The following STXBP5L variants were observed in gnomAD, a reference collection of about 807,000 sequenced individuals.
The protein encoded by STXBP5L is syntaxin binding protein 5L.
STXBP5L carries 65 observed loss-of-function variants against 144.5 expected under a neutral mutation model. That is an observed-to-expected ratio of 0.45 (90% CI 0.37 to 0.55). The LOEUF (loss-of-function observed/expected upper bound fraction) is 0.55. Ranked by LOEUF, STXBP5L falls within the 20% of genes least tolerant of loss-of-function variation. STXBP5L has a pLI of 0.00. For missense variants in STXBP5L, 1,298 were observed against 1,405.5 expected, an observed-to-expected ratio of 0.92 and a Z score of 1.22; for synonymous variants, 505 against 469.6, an observed-to-expected ratio of 1.08 and a Z score of -0.97.
rs750800992 is a variant in STXBP5L at position 121,121,707 on chromosome 3, G to A, written c.669+3G>A. ...ATAGCCCAAGAGATGAAGGCAAAGTGAGTATTATGATATCTTTATTATTAG... is the reference window on the plus strand; with the variant it reads ...ATAGCCCAAGAGATGAAGGCAAAGTAAGTATTATGATATCTTTATTATTAG... On this transcript the variant is annotated splice_donor_region_variant and intron_variant, in intron 7 of 26. Transcript: ENST00000471454. The A allele has an allele frequency of 6.3e-7, 1 of 1,588,838 alleles. No individual in the cohort carries two copies. Among genetic ancestry groups the A allele is most frequent in the Admixed American group, 1.7e-5 (1 of 59,574 alleles).
At chr3:121,138,489 A>G (rs1359682011) in intron 7 of STXBP5L, among the ~76,000 whole-genome samples, 1 of 152,158 alleles carries the variant, frequency 6.6e-6, no homozygotes, top group East Asian at 1.9e-4. Flanking sequence ...AAGGCATCAC[A>G]TTACCTGACT....
chr3:120,938,367 C>T (rs760068851), intron 2 of STXBP5L, among the ~76,000 whole-genome samples: 1 of 152,108 alleles, frequency 6.6e-6, no homozygotes, highest in Non-Finnish European at 1.5e-5. Flanking sequence ...CCTAAAGATA[C>T]TACATTAAAT....
chr3:121,137,398 T>C (rs778598834), intron 7 of STXBP5L, among the ~76,000 whole-genome samples: 3 of 152,160 alleles, frequency 2.0e-5, no homozygotes, highest in African/African-American at 7.2e-5. Context: ...CAGACTCTTA[T>C]GAACAATTTT....
chr3:121,168,563 A>G (rs1301884390), intron 9 of STXBP5L, among the ~76,000 whole-genome samples: 1 of 152,198 alleles, frequency 6.6e-6, no homozygotes, highest in Non-Finnish European at 1.5e-5. Context: ...TCAATAGCTG[A>G]ACTGATCAAG....
At chr3:120,990,419 G>A (rs993316748) in intron 3 of STXBP5L, among the ~76,000 whole-genome samples, 1 of 152,058 alleles carries the variant, frequency 6.6e-6, no homozygotes, top group Non-Finnish European at 1.5e-5. Flanking sequence ...TCCCCATCAA[G>A]CTACCAATGA....
intron 20 of STXBP5L, among the ~76,000 whole-genome samples, chr3:121,359,978 T>C (rs1307297293): frequency 6.9e-6 from 1 of 145,736 alleles, no homozygotes; most frequent in Middle Eastern, 3.4e-3. Flanking sequence ...ATATATAATA[T>C]AATATATATA....
intron 3 of STXBP5L, among the ~76,000 whole-genome samples, chr3:121,003,131 A>G (rs1943933698): frequency 6.6e-6 from 1 of 152,210 alleles, no homozygotes; most frequent in Non-Finnish European, 1.5e-5. Flanking sequence ...GAATTGCCAC[A>G]CTGACTTCCA....
intron 22 of STXBP5L, among the ~76,000 whole-genome samples, chr3:121,402,678 C>T (rs2046908062): frequency 6.6e-6 from 1 of 152,170 alleles, no homozygotes; most frequent in Admixed American, 6.5e-5. Flanking sequence ...ACTAAAGTGT[C>T]TCATTTTACC....
Position 121,401,149 on chromosome 3 carries a change from G to A in STXBP5L, c.2588-6094G>A, listed in dbSNP as rs546551773. On this transcript the variant is annotated intron_variant, in intron 22 of 26. Coordinates refer to ENST00000471454, the MANE Select transcript of STXBP5L (RefSeq NM_001308330.2). Reference sequence around the variant, plus strand: ...GCCTGGCTGCATGTGTTCAGTATGCGGGTTCACAGGCAGTATATGCATTGC... The same window carrying A: ...GCCTGGCTGCATGTGTTCAGTATGCAGGTTCACAGGCAGTATATGCATTGC... Among the ~76,000 whole-genome samples the A allele has an allele frequency of 8.1e-4, 123 of 152,164 alleles. 1 individual carries two copies. Among genetic ancestry groups the A allele is most frequent in the South Asian group, 4.2e-3 (20 of 4,812 alleles).
At chr3:121,270,702 C>G (rs574532009) in intron 18 of STXBP5L, among the ~76,000 whole-genome samples, 1 of 152,252 alleles carries the variant, frequency 6.6e-6, no homozygotes, top group African/African-American at 2.4e-5. Context: ...ATCCGCCCAC[C>G]TAGGCCTCCC....
At chr3:121,063,052 G>T (rs1397357819) in intron 5 of STXBP5L, among the ~76,000 whole-genome samples, 4 of 152,140 alleles carry the variant, frequency 2.6e-5, no homozygotes, top group African/African-American at 7.2e-5. Context: ...TTCCCTTGCT[G>T]GTGAGGAGTT....
At chr3:121,383,332 G>A (rs1266782977) in intron 22 of STXBP5L, among the ~76,000 whole-genome samples, 6 of 151,870 alleles carry the variant, frequency 4.0e-5, no homozygotes, top group Non-Finnish European at 8.8e-5. Flanking sequence ...AGAAGGATGA[G>A]CATGCAGTAA....
chr3:120,988,969 C>T (rs1012743241), intron 3 of STXBP5L, among the ~76,000 whole-genome samples: 1 of 152,064 alleles, frequency 6.6e-6, no homozygotes, highest in African/African-American at 2.4e-5. Context: ...CCAGTTCCAT[C>T]CTTGTTTTTG....
chr3:121,198,771 G>A (rs1156966201), intron 9 of STXBP5L, among the ~76,000 whole-genome samples: 1 of 152,122 alleles, frequency 6.6e-6, no homozygotes, highest in Non-Finnish European at 1.5e-5. Flanking sequence ...TTTTTGCCAA[G>A]TTTGTTGAAG....
At chr3:121,268,297 A>G (rs916694466) in intron 18 of STXBP5L, among the ~76,000 whole-genome samples, 3 of 152,146 alleles carry the variant, frequency 2.0e-5, no homozygotes, top group African/African-American at 4.8e-5. Context: ...CAGCAAACTA[A>G]CACAGGAACA....
At chr3:121,340,044 G>GA (rs1255863359) in intron 20 of STXBP5L, among the ~76,000 whole-genome samples, 5 of 151,730 alleles carry the variant, frequency 3.3e-5, no homozygotes, top group South Asian at 2.1e-4. Flanking sequence ...CACAAAATTA[G>GA]AAAAAAAATC....
At chr3:121,211,812 C>T (rs1055833911) in intron 10 of STXBP5L, among the ~76,000 whole-genome samples, 6 of 151,922 alleles carry the variant, frequency 3.9e-5, no homozygotes, top group East Asian at 1.9e-4. Context: ...CATCTCTTGA[C>T]CTCGTGATCC....
chr3:121,027,484 G>T (rs535538264), intron 3 of STXBP5L, among the ~76,000 whole-genome samples: 5 of 152,096 alleles, frequency 3.3e-5, no homozygotes, highest in African/African-American at 7.2e-5. Flanking sequence ...CTTCTTTCTG[G>T]AGGCTGTAGG....
chr3:121,189,689 T>A (rs958561111), intron 9 of STXBP5L, among the ~76,000 whole-genome samples: 3 of 152,242 alleles, frequency 2.0e-5, no homozygotes, highest in Non-Finnish European at 4.4e-5. Context: ...GACTTCAGAA[T>A]GTCTTGACAA....
Sources: allele counts gnomAD v4.1 joint callset (sites outside exome capture counted in the v4.1 genomes callset), GRCh38; gene constraint gnomAD v4.1.1; transcripts MANE v1.5; gene names NCBI Gene and HGNC (gene_info 2026-07-23, HGNC 2026-07-21).